The following SPAG9 variants were observed in gnomAD, a reference collection of about 807,000 sequenced individuals.
The protein encoded by SPAG9 is C-Jun-amino-terminal kinase-interacting protein 4.
Under a neutral mutation model 166.5 loss-of-function variants are expected in SPAG9, and 35 were observed. The observed-to-expected ratio is 0.21, with a 90% CI of 0.16 to 0.28. The LOEUF is 0.28. Ranked by LOEUF, SPAG9 falls within the 10% of genes least tolerant of loss-of-function variation. The pLI is 1.00. For missense variants in SPAG9, 1,235 were observed against 1,603.3 expected (o/e 0.77, Z 3.92); for synonymous variants, 534 against 565.5 (o/e 0.94, Z 0.79).
At chr17:51,064,090 T>TC (rs1244520161) in intron 2 of SPAG9, among the ~76,000 whole-genome samples, 1 of 152,212 alleles carries the variant, frequency 6.6e-6, no homozygotes, top group East Asian at 1.9e-4. Flanking sequence ...GAGAGCCTGT[T>TC]CACCTCAGTC....
At position 50,970,786 on chromosome 17, in the gene SPAG9, T is replaced by G. The variant is rs766085429; in HGVS notation, c.3771A>C (p.Ala1257=). 6.2e-7 allele frequency: 1 copy of G among 1,614,160 alleles called. No individual in the cohort carries two copies. Among genetic ancestry groups the G allele is most frequent in the Non-Finnish European group, 8.5e-7 (1 of 1,180,002 alleles). ...AGGGCGTCTGACTACCAGGCTCCTGTGCAGATGGCCCTGCTTTGTCACCCG... is the reference window on the plus strand; with the variant it reads ...AGGGCGTCTGACTACCAGGCTCCTGGGCAGATGGCCCTGCTTTGTCACCCG... ...DLTGDKAGPS[A]QEPGSQTPLK... is the part of the protein sequence containing the mutation. The change falls in exon 29 of 30, where the codon GCA becomes GCC. Residue 1257 remains alanine (A), a synonymous_variant. Transcript: ENST00000262013.
chr17:51,037,572 C>T (rs2046637991), intron 5 of SPAG9, among the ~76,000 whole-genome samples: 1 of 148,622 alleles, frequency 6.7e-6, no homozygotes, highest in South Asian at 2.1e-4. Flanking sequence ...GAGATTGCAC[C>T]ATTGCACTCC....
chr17:51,057,520 G>C (rs116144144), intron 2 of SPAG9, among the ~76,000 whole-genome samples: 1 of 152,286 alleles, frequency 6.6e-6, no homozygotes, highest in East Asian at 1.9e-4. Flanking sequence ...GCAGATAAAT[G>C]AATGTTTTAT....
Position 50,974,664 on chromosome 17 carries a change from T to G in SPAG9, c.3700+107A>C. 4.3e-6 allele frequency: 4 copies of G among 931,504 alleles called. No individual in the cohort carries two copies. The South Asian group carries it at 8.7e-5, about 20-fold the overall frequency. The allele number at this position is 931,504 out of a possible 1,614,324, so 57.7% of individuals were successfully genotyped here. A position where few individuals can be genotyped will look rare whatever the true frequency, so the allele number is the denominator to read the frequency against. ...AGAACTTCCTTCGTATATATTGAAA[T>G]TACCTGCAATTCGAGTACTTAGCCT... On this transcript the variant is annotated intron_variant, in intron 28 of 29. Transcript: ENST00000262013.
intron 6 of SPAG9, among the ~76,000 whole-genome samples, chr17:51,026,790 C>T (rs1004462655): frequency 6.6e-6 from 1 of 151,378 alleles, no homozygotes; most frequent in African/African-American, 2.4e-5. Context: ...GATTCTCCTG[C>T]CTCAGCCTCC....
intron 2 of SPAG9, among the ~76,000 whole-genome samples, chr17:51,061,736 G>A (rs2047525366): frequency 6.6e-6 from 1 of 151,238 alleles, no homozygotes; most frequent in South Asian, 2.1e-4. Context: ...CATAAGCTTA[G>A]GTTCATCCAT....
chr17:51,019,635 C>A (rs934243319), intron 8 of SPAG9, among the ~76,000 whole-genome samples: 4 of 151,770 alleles, frequency 2.6e-5, no homozygotes, highest in African/African-American at 9.7e-5. Context: ...GGTGGATCAC[C>A]TGAGGTTGGG....
intron 2 of SPAG9, among the ~76,000 whole-genome samples, chr17:51,063,268 T>G (rs2047567770): frequency 6.6e-6 from 1 of 151,564 alleles, no homozygotes; most frequent in South Asian, 2.1e-4. Context: ...AAAATTTAGC[T>G]GGGCGTGGTG....
chr17:50,967,487 C>G (rs1288761790), intron 29 of SPAG9, among the ~76,000 whole-genome samples: 1 of 152,148 alleles, frequency 6.6e-6, no homozygotes, highest in African/African-American at 2.4e-5. Context: ...CAATATCAAA[C>G]TAGAGAGAGG....
chr17:50,995,415 C>T lies in SPAG9; in HGVS notation c.2058+29G>A, dbSNP rs1215804061. 3 of 1,539,104 alleles carry T rather than the reference C, an allele frequency of 1.9e-6. No individual in the cohort carries two copies. In the African/African-American group the frequency reaches 4.1e-5, roughly 21 times the overall value. ...AAAAAACTACCCAGAGTTTAGAAAACATCTCCTTTTAATTCACAATGAACT... is the reference window on the plus strand; with the variant it reads ...AAAAAACTACCCAGAGTTTAGAAAATATCTCCTTTTAATTCACAATGAACT... On this transcript the variant is annotated intron_variant, in intron 17 of 29. Transcript: ENST00000262013.
At chr17:51,024,621 G>A (rs1028352079) in intron 6 of SPAG9, among the ~76,000 whole-genome samples, 2 of 150,312 alleles carry the variant, frequency 1.3e-5, no homozygotes, top group Non-Finnish European at 3.0e-5. Context: ...GCTGAGGCAG[G>A]AGAATCACTT....
chr17:51,083,508 A>AT (rs1453365394), intron 1 of SPAG9, among the ~76,000 whole-genome samples: 1 of 151,654 alleles, frequency 6.6e-6, no homozygotes, highest in East Asian at 1.9e-4. Flanking sequence ...AAGTGCTGGA[A>AT]TTACAAGCGT....
At chr17:51,095,675 T>C (rs1426671441) in intron 1 of SPAG9, among the ~76,000 whole-genome samples, 1 of 148,688 alleles carries the variant, frequency 6.7e-6, no homozygotes, top group African/African-American at 2.5e-5. Flanking sequence ...AATGTGTATA[T>C]ATATATATAG....
chr17:50,998,747 C>A, intron 14 of SPAG9, 130 bp from the exon 15 acceptor site: 1 of 820,790 alleles, frequency 1.2e-6, no homozygotes, highest in African/African-American at 1.7e-5. Flanking sequence ...TTGGCAAAAA[C>A]AGTTTTTGTA....
chr17:51,078,975 TAC>T (rs1479469197), intron 2 of SPAG9, among the ~76,000 whole-genome samples: 1 of 152,100 alleles, frequency 6.6e-6, no homozygotes, highest in South Asian at 2.1e-4. Context: ...GATCCACACA[TAC>T]ACACACACTT....
intron 19 of SPAG9, among the ~76,000 whole-genome samples, chr17:50,990,907 CTT>C (rs893608311): frequency 1.6e-4 from 22 of 136,870 alleles, no homozygotes; most frequent in Admixed American, 3.7e-4. Flanking sequence ...AGAAAATAAA[CTT>C]TTTTTTTTTT....
At chr17:51,114,419 C>T (rs531248078) in intron 1 of SPAG9, among the ~76,000 whole-genome samples, 11 of 152,054 alleles carry the variant, frequency 7.2e-5, no homozygotes, top group East Asian at 5.8e-4. Flanking sequence ...ATAACAAGGT[C>T]AGGAGTTCAA....
At chr17:50,990,355 A>G in intron 20 of SPAG9, 95 bp downstream of exon 20, 1 of 971,052 alleles carries the variant, frequency 1.0e-6, no homozygotes, top group East Asian at 2.6e-5. Context: ...AGTTCTTTCA[A>G]CCTTGTTACT....
At chr17:51,114,325 T>C (rs1463642686) in intron 1 of SPAG9, among the ~76,000 whole-genome samples, 3 of 151,804 alleles carry the variant, frequency 2.0e-5, no homozygotes, top group Non-Finnish European at 4.4e-5. Context: ...AGACTCTGTC[T>C]CAAAAATAAA....
Sources: allele counts gnomAD v4.1 joint callset (sites outside exome capture counted in the v4.1 genomes callset), GRCh38; gene constraint gnomAD v4.1.1; transcripts MANE v1.5; gene names NCBI Gene and HGNC (gene_info 2026-07-23, HGNC 2026-07-21).